Variants in MYT1L observed in about 807,000 individuals in gnomAD.
The protein encoded by MYT1L is myelin transcription factor 1 like, also known as myelin transcription factor 1-like protein.
Under a neutral mutation model 126.7 loss-of-function variants are expected in MYT1L, and 12 were observed. The observed-to-expected ratio is 0.09, with a 90% CI of 0.06 to 0.15. The LOEUF is 0.15. Among genes scored for constraint, MYT1L ranks in the 10% least tolerant of loss-of-function variants. MYT1L has a pLI of 1.00. For missense variants in MYT1L, 979 were observed against 1,585.2 expected (o/e 0.62, Z 6.49); for synonymous variants, 541 against 604.2 (o/e 0.90, Z 1.53).
chr2:2,176,898 T>G (rs1433585718), intron 2 of MYT1L, among the ~76,000 whole-genome samples: 5 of 152,194 alleles, frequency 3.3e-5, no homozygotes. Context: ...ATTTGTAACC[T>G]GGAAGTATGT....
At chr2:2,039,402 C>CA (rs796884702) in intron 4 of MYT1L, among the ~76,000 whole-genome samples, 3,562 of 141,346 alleles carry the variant, frequency 0.025, 146 homozygotes, top group African/African-American at 0.085. Flanking sequence ...GACCCACTTT[C>CA]AAAAAAAAAA....
rs1474419555 is a variant in MYT1L at position 1,979,979 on chromosome 2, T to C, written c.1-202A>G. On this transcript the variant is annotated intron_variant, in intron 5 of 24. Transcript: ENST00000647738. The surrounding 1 kb of genome is among the most constrained non-coding windows in gnomAD (Gnocchi z 4.0). ...AAACAATTATAAACAGACCTTAACC[T>C]TGTAGGGAATATTTAATCAGGAGGC... Among the ~76,000 whole-genome samples, 1 of 152,058 alleles carries C rather than the reference T, an allele frequency of 6.6e-6. No homozygotes were observed. The highest frequency in any genetic ancestry group is 2.4e-5 in the African/African-American group (1 of 41,434).
chr2:2,305,536 G>T (rs1189285670), intron 1 of MYT1L, among the ~76,000 whole-genome samples: 2 of 152,168 alleles, frequency 1.3e-5, no homozygotes, highest in Non-Finnish European at 2.9e-5. Context: ...CTGCTACTAA[G>T]ATCACTGTTG....
intron 4 of MYT1L, among the ~76,000 whole-genome samples, chr2:2,004,718 GCC>G: frequency 7.2e-6 from 1 of 139,396 alleles, no homozygotes; most frequent in African/African-American, 2.8e-5. Context: ...TTTCCTGCGT[GCC>G]TTCTTTCCTG....
intron 19 of MYT1L, among the ~76,000 whole-genome samples, chr2:1,849,160 A>C (rs2042891252): frequency 6.6e-6 from 1 of 152,130 alleles, no homozygotes; most frequent in Non-Finnish European, 1.5e-5. Context: ...CCACCAAAAA[A>C]AAAAAAAAAT....
At chr2:2,327,869 T>C (rs2096260865) in intron 1 of MYT1L, among the ~76,000 whole-genome samples, 1 of 152,172 alleles carries the variant, frequency 6.6e-6, no homozygotes, top group African/African-American at 2.4e-5. Context: ...TTAAGTTGTT[T>C]GAAGTTAAAA....
intron 2 of MYT1L, among the ~76,000 whole-genome samples, chr2:2,219,798 C>T (rs889912612): frequency 2.6e-5 from 4 of 152,140 alleles, no homozygotes; most frequent in South Asian, 2.1e-4. Context: ...TTATAAATGA[C>T]CCTGTCTCCT....
At chr2:1,955,946 T>A (rs2149346724) in intron 8 of MYT1L, among the ~76,000 whole-genome samples, 1 of 152,344 alleles carries the variant, frequency 6.6e-6, no homozygotes, top group South Asian at 2.1e-4. Flanking sequence ...ATAGCTTAGG[T>A]TGTATATTTA....
chr2:2,273,853 CA>C (rs35578652), intron 2 of MYT1L, among the ~76,000 whole-genome samples: 1 of 151,854 alleles, frequency 6.6e-6, no homozygotes, highest in African/African-American at 2.4e-5. Context: ...TATCCGCCCA[CA>C]AAAAAAATTA....
chr2:1,796,307 G>T (rs1037066660), intron 23 of MYT1L, among the ~76,000 whole-genome samples: 1 of 152,228 alleles, frequency 6.6e-6, no homozygotes, highest in Non-Finnish European at 1.5e-5. Context: ...TGTAAAATGG[G>T]TGGGAATCCC....
At chr2:2,257,993 T>C (rs1423694447) in intron 2 of MYT1L, among the ~76,000 whole-genome samples, 1 of 129,998 alleles carries the variant, frequency 7.7e-6, no homozygotes, top group Non-Finnish European at 1.6e-5. Context: ...CTTCAAACTA[T>C]ACTACAGGGC....
chr2:2,175,166 A>G (rs923958367), intron 2 of MYT1L, among the ~76,000 whole-genome samples: 4 of 152,062 alleles, frequency 2.6e-5, no homozygotes, highest in Non-Finnish European at 4.4e-5. Context: ...CTGCTGAAGG[A>G]AGGAAGAACC....
chr2:2,285,759 A>G (rs1265484813), intron 1 of MYT1L, among the ~76,000 whole-genome samples: 8 of 152,182 alleles, frequency 5.3e-5, no homozygotes, highest in South Asian at 4.1e-4. Context: ...CAGACACTGC[A>G]GGTTCAGTAT....
At chr2:2,222,495 C>CA (rs11298177) in intron 2 of MYT1L, among the ~76,000 whole-genome samples, 2 of 149,296 alleles carry the variant, frequency 1.3e-5, no homozygotes, top group Non-Finnish European at 1.5e-5. Context: ...GACTTTGTCT[C>CA]AAAAAAAAAA....
At chr2:1,842,163 G>A (rs1432770165) in intron 19 of MYT1L, 1 of 152,282 alleles carries the variant, frequency 6.6e-6, no homozygotes, top group Non-Finnish European at 1.5e-5. Flanking sequence ...CTGAGCTCGG[G>A]GATAGTTTTC....
intron 2 of MYT1L, among the ~76,000 whole-genome samples, chr2:2,280,684 G>C (rs1039829158): frequency 4.6e-5 from 7 of 152,116 alleles, no homozygotes; most frequent in Non-Finnish European, 7.3e-5. Context: ...GTCTGTGCAG[G>C]GTGGCCACGC....
chr2:2,220,537 T>C (rs150842409), intron 2 of MYT1L, among the ~76,000 whole-genome samples: 1 of 152,316 alleles, frequency 6.6e-6, no homozygotes, highest in East Asian at 1.9e-4. Context: ...AAAAAGGTGC[T>C]AGACTCTTAA....
At chr2:2,188,872 A>G (rs1041343913) in intron 2 of MYT1L, among the ~76,000 whole-genome samples, 4 of 92,102 alleles carry the variant, frequency 4.3e-5, no homozygotes, top group African/African-American at 1.5e-4. Context: ...ATTAAAATAC[A>G]AAAGCTTTGT....
intron 14 of MYT1L, among the ~76,000 whole-genome samples, chr2:1,897,032 G>T (rs1055249018): frequency 1.3e-5 from 2 of 152,174 alleles, no homozygotes. Flanking sequence ...GTCGGTGACT[G>T]AACTGTCAAG....
Sources: gnomAD v4.1 joint callset for allele counts (sites outside exome capture counted in the v4.1 genomes callset) on GRCh38, gnomAD v4.1.1 for gene constraint, Gnocchi (gnomAD v3.1) non-coding constraint, MANE v1.5 for transcripts, NCBI Gene and HGNC (gene_info 2026-07-23, HGNC 2026-07-21) for gene names.